ADAM32: variants seen among roughly 807,000 people sequenced by gnomAD.
ADAM32 encodes the protein disintegrin and metalloproteinase domain-containing protein 32.
ADAM32 carries 89 observed loss-of-function variants against 114.9 expected under a neutral mutation model. The ratio of observed to expected loss-of-function variants is 0.77; its 90% CI spans 0.65 to 0.92. ADAM32 has a LOEUF of 0.92. Among genes scored for constraint, ADAM32 ranks in the 40% least tolerant of loss-of-function variants. The pLI is 0.00. For missense variants in ADAM32, 870 were observed against 932.8 expected (o/e 0.93, Z 0.88); for synonymous variants, 285 against 307.5 (o/e 0.93, Z 0.77).
At chr8:39,142,690 C>G (rs972224364) in intron 3 of ADAM32, among the ~76,000 whole-genome samples, 9 of 152,090 alleles carry the variant, frequency 5.9e-5, no homozygotes, top group Non-Finnish European at 1.3e-4. Context: ...CTTGGGGTTG[C>G]TCTTCCCGAG....
At chr8:39,229,573 T>A (rs1165648917) in intron 14 of ADAM32, among the ~76,000 whole-genome samples, 2 of 152,122 alleles carry the variant, frequency 1.3e-5, no homozygotes, top group Non-Finnish European at 2.9e-5. Context: ...AAAACAAACT[T>A]TAAAGCAACA....
chr8:39,127,094 CA>C (rs1286288854), intron 2 of ADAM32, among the ~76,000 whole-genome samples: 2 of 152,120 alleles, frequency 1.3e-5, no homozygotes, highest in Non-Finnish European at 2.9e-5. Flanking sequence ...AGGATTTTTG[CA>C]CTGATTTTCA....
At chr8:39,211,925 AACCAT>A (rs1406699481) in intron 12 of ADAM32, among the ~76,000 whole-genome samples, 1 of 152,196 alleles carries the variant, frequency 6.6e-6, no homozygotes, top group Non-Finnish European at 1.5e-5. Flanking sequence ...GAATTACTTG[AACCAT>A]ATCACATTAT....
chr8:39,126,928 A>T (rs929950025), intron 2 of ADAM32, among the ~76,000 whole-genome samples: 6 of 152,176 alleles, frequency 3.9e-5, no homozygotes, highest in African/African-American at 1.4e-4. Flanking sequence ...TGAGATAATC[A>T]TGTGGTTTTT....
At chr8:39,154,811 T>C (rs1554602034) in intron 6 of ADAM32, among the ~76,000 whole-genome samples, 1 of 152,192 alleles carries the variant, frequency 6.6e-6, no homozygotes, top group Non-Finnish European at 1.5e-5. Flanking sequence ...GCTTTTTTTT[T>C]CATATGTTTG....
intron 14 of ADAM32, chr8:39,223,892 G>T (rs1055470134): frequency 1.3e-5 from 2 of 151,986 alleles, no homozygotes; most frequent in Non-Finnish European, 2.9e-5. Context: ...GAGATCATGC[G>T]TTATTTACCT....
intron 16 of ADAM32, among the ~76,000 whole-genome samples, chr8:39,239,343 TAA>T (rs1396545118): frequency 2.6e-5 from 4 of 152,158 alleles, no homozygotes; most frequent in Non-Finnish European, 2.9e-5. Flanking sequence ...GAGGGAAAGA[TAA>T]AGTCTTTTTC....
At chr8:39,112,703 C>T (rs1420730681) in intron 1 of ADAM32, among the ~76,000 whole-genome samples, 1 of 152,202 alleles carries the variant, frequency 6.6e-6, no homozygotes, top group Non-Finnish European at 1.5e-5. Context: ...TCACCACCCC[C>T]TTGCCCCCAA....
intron 2 of ADAM32, among the ~76,000 whole-genome samples, chr8:39,120,847 T>C (rs1174980399): frequency 6.6e-6 from 1 of 151,916 alleles, no homozygotes; most frequent in Non-Finnish European, 1.5e-5. Context: ...AGGAGATCCT[T>C]GTTAAAAAGT....
chr8:39,249,148 C>T (rs900699338), intron 17 of ADAM32, among the ~76,000 whole-genome samples: 1 of 152,082 alleles, frequency 6.6e-6, no homozygotes, highest in East Asian at 1.9e-4. Context: ...TCATGATCTG[C>T]CCGTCTTGGC....
chr8:39,256,854 G>A (rs1253455579), intron 18 of ADAM32, among the ~76,000 whole-genome samples: 2 of 151,976 alleles, frequency 1.3e-5, no homozygotes, highest in African/African-American at 4.8e-5. Flanking sequence ...CCTTGTAAGA[G>A]TGCATTTTTG....
intron 2 of ADAM32, among the ~76,000 whole-genome samples, chr8:39,135,524 A>G (rs1160744097): frequency 6.6e-6 from 1 of 152,318 alleles, no homozygotes; most frequent in East Asian, 1.9e-4. Context: ...CATTATATTT[A>G]TTAAATACAA....
intron 6 of ADAM32, among the ~76,000 whole-genome samples, chr8:39,156,643 G>A (rs1395665198): frequency 3.3e-5 from 5 of 152,168 alleles, no homozygotes. Flanking sequence ...ACAAGGATAT[G>A]TATTTTTTCA....
intron 11 of ADAM32, 22 bp from the exon 12 acceptor site, chr8:39,211,122 C>G (rs1279020891): frequency 6.7e-7 from 1 of 1,486,448 alleles, no homozygotes; most frequent in African/African-American, 1.4e-5. Flanking sequence ...CTGCCAATGA[C>G]ATTATATGGA....
At chr8:39,125,476 G>A (rs4236755) in intron 2 of ADAM32, among the ~76,000 whole-genome samples, 41,222 of 151,994 alleles carry the variant, frequency 0.27, 5,757 homozygotes, top group Middle Eastern at 0.34. Context: ...AATCTCAACC[G>A]TACCTGATTT....
intron 22 of ADAM32, among the ~76,000 whole-genome samples, chr8:39,280,339 G>GT (rs1007765174): frequency 6.6e-6 from 1 of 152,030 alleles, no homozygotes; most frequent in Non-Finnish European, 1.5e-5. Context: ...TTATGCATAC[G>GT]TTTTTTGTTT....
At chr8:39,124,956 T>TC (rs1485141932) in intron 2 of ADAM32, among the ~76,000 whole-genome samples, 5 of 152,102 alleles carry the variant, frequency 3.3e-5, no homozygotes, top group African/African-American at 7.2e-5. Flanking sequence ...TAATTTACAT[T>TC]CCCCCCAACA....
chr8:39,198,100 A>G (rs1807132848), intron 11 of ADAM32, among the ~76,000 whole-genome samples: 1 of 151,664 alleles, frequency 6.6e-6, no homozygotes, highest in Admixed American at 6.6e-5. Context: ...GTTTTATCCT[A>G]TAATCTATTT....
chr8:39,184,936 T>C (rs1806121681), intron 10 of ADAM32, among the ~76,000 whole-genome samples: 1 of 152,208 alleles, frequency 6.6e-6, no homozygotes, highest in Non-Finnish European at 1.5e-5. Context: ...TCAGTTAAGC[T>C]GTGCCGCATG....
Sources: allele counts gnomAD v4.1 joint callset (sites outside exome capture counted in the v4.1 genomes callset), GRCh38; gene constraint gnomAD v4.1.1; transcripts MANE v1.5; gene names NCBI Gene and HGNC (gene_info 2026-07-23, HGNC 2026-07-21).